Variants in ROBO2 observed in about 807,000 individuals in gnomAD.
ROBO2 encodes roundabout guidance receptor 2, also known as roundabout homolog 2.
A neutral mutation model predicts 160.8 loss-of-function variants in ROBO2; 53 were observed. The ratio of observed to expected loss-of-function variants is 0.33; its 90% CI spans 0.26 to 0.41. The LOEUF (loss-of-function observed/expected upper bound fraction) is 0.41. ROBO2 is among the 10% of genes least tolerant of loss of function. The pLI is 1.00. For synonymous variants in ROBO2, 664 were observed against 611.7 expected, an observed-to-expected ratio of 1.09 and a Z score of -1.26; for missense variants, 1,577 against 1,722.4, an observed-to-expected ratio of 0.92 and a Z score of 1.49.
intron 2 of ROBO2, among the ~76,000 whole-genome samples, chr3:75,990,958 G>A (rs1175853569): frequency 6.6e-6 from 1 of 152,102 alleles, no homozygotes; most frequent in Non-Finnish European, 1.5e-5. Context: ...AGAACAAAAA[G>A]GTAGACTAAG....
intron 2 of ROBO2, among the ~76,000 whole-genome samples, chr3:76,565,851 G>A (rs1021808900): frequency 1.3e-5 from 2 of 152,156 alleles, no homozygotes; most frequent in East Asian, 3.9e-4. Flanking sequence ...GTCTCCAGGA[G>A]TTGTTAGTCA....
intron 1 of ROBO2, among the ~76,000 whole-genome samples, chr3:77,059,073 A>G (rs560261577): frequency 5.9e-5 from 9 of 152,306 alleles, no homozygotes; most frequent in Non-Finnish European, 8.8e-5. Flanking sequence ...TTATGAAAGA[A>G]AAATATAGGG....
At chr3:76,133,121 A>G (rs558273143) in intron 2 of ROBO2, among the ~76,000 whole-genome samples, 1 of 152,300 alleles carries the variant, frequency 6.6e-6, no homozygotes, top group South Asian at 2.1e-4. Flanking sequence ...AAACTAAGTT[A>G]TATAAATTAA....
intron 2 of ROBO2, among the ~76,000 whole-genome samples, chr3:76,891,455 A>G (rs1384778508): frequency 6.6e-6 from 1 of 152,136 alleles, no homozygotes; most frequent in Non-Finnish European, 1.5e-5. Context: ...AGCATTGTTT[A>G]TGTTCGTGGA....
At chr3:76,890,393 C>G (rs2074256611) in intron 2 of ROBO2, among the ~76,000 whole-genome samples, 1 of 152,118 alleles carries the variant, frequency 6.6e-6, no homozygotes, top group African/African-American at 2.4e-5. Flanking sequence ...CACGACTATA[C>G]TTTATTACCT....
chr3:77,265,667 C>A (rs1253579586), intron 2 of ROBO2, among the ~76,000 whole-genome samples: 1 of 152,076 alleles, frequency 6.6e-6, no homozygotes, highest in Non-Finnish European at 1.5e-5. Flanking sequence ...GACCAAGGGT[C>A]AATGGATCCA....
chr3:75,930,527 C>CT (rs1191567082), intron 1 of ROBO2, among the ~76,000 whole-genome samples: 4 of 152,224 alleles, frequency 2.6e-5, no homozygotes, highest in South Asian at 2.1e-4. Flanking sequence ...CCTAATTGCT[C>CT]TTTTTTCTCT....
intron 2 of ROBO2, among the ~76,000 whole-genome samples, chr3:77,108,273 CATATATATATATGTATA>C (rs1560026117): frequency 3.1e-4 from 28 of 91,786 alleles, no homozygotes; most frequent in Middle Eastern, 6.8e-3. Flanking sequence ...TACACATATG[CATATATATATATGTATA>C]CACATATGCA....
chr3:76,305,741 A>G (rs1053101492), intron 2 of ROBO2, among the ~76,000 whole-genome samples: 2 of 147,900 alleles, frequency 1.4e-5, no homozygotes, highest in African/African-American at 5.0e-5. Flanking sequence ...CCTGGGTAAC[A>G]GAGTGGGACT....
At chr3:76,807,890 C>T (rs1330262186) in intron 2 of ROBO2, among the ~76,000 whole-genome samples, 1 of 151,794 alleles carries the variant, frequency 6.6e-6, no homozygotes, top group African/African-American at 2.4e-5. Flanking sequence ...ATTATTCATG[C>T]ACAAAAACTT....
intron 2 of ROBO2, among the ~76,000 whole-genome samples, chr3:76,987,964 T>C (rs889496120): frequency 1.3e-5 from 2 of 152,190 alleles, no homozygotes; most frequent in Non-Finnish European, 2.9e-5. Flanking sequence ...TAAAGATCAT[T>C]TGTCATGATA....
At chr3:76,445,422 A>T (rs1378299644) in intron 2 of ROBO2, among the ~76,000 whole-genome samples, 3 of 152,196 alleles carry the variant, frequency 2.0e-5, no homozygotes, top group African/African-American at 7.2e-5. Context: ...TTTAGTAAAT[A>T]TTCTTTTTCA....
Position 77,607,861 on chromosome 3 carries a change from C to T in ROBO2, c.3200C>T (p.Ser1067Phe). The change falls in exon 21 of 26, where the codon TCC (serine) becomes TTC (phenylalanine). Residue 1067 changes from serine (S) to phenylalanine (F), a missense_variant. Ser to Phe is a radical substitution (Grantham distance 155, BLOSUM62 -2). Around this residue, in one of 2 missense-constraint regions of ROBO2, gnomAD observed 637 missense variants for 586.9 expected, o/e 1.09. Coordinates refer to ENST00000461745, the Ensembl canonical transcript of ROBO2. ...TCTAAACCACAGAAAAACAATGGAT[C>T]CACTTGGGCCAATGTCCCTCTACCT... is the stretch of plus-strand genomic sequence containing the variant. 2.5e-6 allele frequency: 4 copies of T among 1,613,910 alleles called. No homozygotes were observed. The South Asian group carries it at 4.4e-5, about 18-fold the overall frequency.
At chr3:77,625,501 CTGAG>C (rs2094995093) in intron 23 of ROBO2, among the ~76,000 whole-genome samples, 1 of 152,054 alleles carries the variant, frequency 6.6e-6, no homozygotes, top group African/African-American at 2.4e-5. Flanking sequence ...CCTCAGCCTC[CTGAG>C]TAACTGGGAC....
chr3:76,953,567 A>G (rs537439674), intron 2 of ROBO2, among the ~76,000 whole-genome samples: 2 of 152,292 alleles, frequency 1.3e-5, no homozygotes, highest in South Asian at 4.1e-4. Flanking sequence ...GCATACTTCC[A>G]ACTCAAGCTA....
At chr3:76,835,984 C>G (rs1280106442) in intron 2 of ROBO2, among the ~76,000 whole-genome samples, 4 of 151,984 alleles carry the variant, frequency 2.6e-5, no homozygotes, top group Non-Finnish European at 4.4e-5. Context: ...GGAACTAGGT[C>G]TCCCCCATCT....
intron 2 of ROBO2, among the ~76,000 whole-genome samples, chr3:76,332,703 G>C (rs566308506): frequency 1.5e-4 from 23 of 152,268 alleles, no homozygotes; most frequent in Non-Finnish European, 1.9e-4. Flanking sequence ...TCTAGCCAAA[G>C]AGAGTAATTT....
chr3:76,375,014 G>A (rs181681731), intron 2 of ROBO2, among the ~76,000 whole-genome samples: 37 of 151,406 alleles, frequency 2.4e-4, no homozygotes, highest in African/African-American at 9.0e-4. Flanking sequence ...GAGTTCACGG[G>A]CATCATTAGA....
chr3:76,847,416 A>G (rs2068876196), intron 2 of ROBO2, among the ~76,000 whole-genome samples: 1 of 152,192 alleles, frequency 6.6e-6, no homozygotes, highest in African/African-American at 2.4e-5. Flanking sequence ...ATGTATGTAC[A>G]AGAGATTAAT....
Sources: allele counts gnomAD v4.1 joint callset (sites outside exome capture counted in the v4.1 genomes callset), GRCh38; gene constraint gnomAD v4.1.1; regional missense constraint gnomAD v4.1.1; transcripts MANE v1.5; gene names NCBI Gene and HGNC (gene_info 2026-07-23, HGNC 2026-07-21).